Variants in LUZP2 observed in about 807,000 individuals in gnomAD.
LUZP2 encodes leucine zipper protein 2.
In LUZP2, 52 loss-of-function variants were observed where a neutral mutation model predicts 51.6. That is an observed-to-expected ratio of 1.01 (90% CI 0.81 to 1.27). The LOEUF (loss-of-function observed/expected upper bound fraction) is 1.27, where lower values mean the gene tolerates loss of function less well. LUZP2 is among the 50% of genes most tolerant of loss of function. The pLI, the probability that LUZP2 is intolerant of heterozygous loss-of-function variation, is 0.00. For synonymous variants in LUZP2, 154 were observed against 137.3 expected, an observed-to-expected ratio of 1.12 and a Z score of -0.85; for missense variants, 436 against 395.4, an observed-to-expected ratio of 1.10 and a Z score of -0.87.
At chr11:24,510,533 T>C (rs978980947) in intron 1 of LUZP2, among the ~76,000 whole-genome samples, 1 of 152,182 alleles carries the variant, frequency 6.6e-6, no homozygotes, top group Non-Finnish European at 1.5e-5. Context: ...ACATAAGTTA[T>C]GTAACAGGTA....
intron 10 of LUZP2, among the ~76,000 whole-genome samples, chr11:25,056,581 G>A (rs185690825): frequency 1.2e-4 from 18 of 152,168 alleles, no homozygotes; most frequent in Admixed American, 5.2e-4. Flanking sequence ...TAACATTGTC[G>A]CTCTGGGAAG....
chr11:24,503,501 G>A (rs545032262), intron 1 of LUZP2, among the ~76,000 whole-genome samples: 2 of 152,188 alleles, frequency 1.3e-5, no homozygotes, highest in Non-Finnish European at 2.9e-5. Context: ...AACCCTAGGA[G>A]ACATAATTAT....
chr11:24,539,046 A>G (rs1851274387), intron 1 of LUZP2, among the ~76,000 whole-genome samples: 1 of 151,872 alleles, frequency 6.6e-6, no homozygotes, highest in South Asian at 2.1e-4. Flanking sequence ...TGTTAATGGC[A>G]CTTACCTCAG....
intron 4 of LUZP2, among the ~76,000 whole-genome samples, chr11:24,745,285 T>A (rs1411660077): frequency 6.6e-6 from 1 of 152,144 alleles, no homozygotes; most frequent in East Asian, 1.9e-4. Context: ...TCTTGACCTT[T>A]CTAGTACTGT....
At chr11:24,899,693 G>A (rs1188425281) in intron 5 of LUZP2, among the ~76,000 whole-genome samples, 1 of 152,072 alleles carries the variant, frequency 6.6e-6, no homozygotes, top group Non-Finnish European at 1.5e-5. Flanking sequence ...TAAATTACCA[G>A]AGAGAAAGAG....
At chr11:25,001,783 G>A (rs1856687880) in intron 9 of LUZP2, among the ~76,000 whole-genome samples, 1 of 151,200 alleles carries the variant, frequency 6.6e-6, no homozygotes, top group African/African-American at 2.4e-5. Flanking sequence ...CTTTGACTTT[G>A]TCTCTCTATC....
intron 4 of LUZP2, among the ~76,000 whole-genome samples, chr11:24,748,161 T>C (rs1859446690): frequency 6.6e-6 from 1 of 152,128 alleles, no homozygotes; most frequent in South Asian, 2.1e-4. Flanking sequence ...TCCTGAAGGT[T>C]CTCTGTGATG....
intron 6 of LUZP2, among the ~76,000 whole-genome samples, chr11:24,908,768 T>G (rs934056867): frequency 6.7e-6 from 1 of 149,758 alleles, no homozygotes; most frequent in Non-Finnish European, 1.5e-5. Flanking sequence ...CTTTTTTTTT[T>G]TTTTTGAGAC....
At position 24,758,481 on chromosome 11, in the gene LUZP2, T is replaced by C. The variant is rs201292903; in HGVS notation, c.334-4765T>C. On this transcript the variant is annotated intron_variant, in intron 4 of 11. Transcript: ENST00000336930. ...TTGGTAAAGATTCAAATAAAATCCT[T>C]TGTAGTTTTTCTCCCTATTTGAAGA... 6.6e-5 allele frequency among the ~76,000 whole-genome samples: 10 copies of C among 152,166 alleles called. No individual in the cohort carries two copies. The East Asian group carries it at 1.5e-3, about 23-fold the overall frequency.
intron 7 of LUZP2, among the ~76,000 whole-genome samples, chr11:24,948,863 CTAT>C (rs1283247730): frequency 1.6e-4 from 24 of 150,752 alleles, no homozygotes; most frequent in African/African-American, 4.1e-4. Context: ...ATCTATCTAT[CTAT>C]CTACCTATCC....
At chr11:24,779,034 G>T (rs748510906) in intron 5 of LUZP2, among the ~76,000 whole-genome samples, 3 of 152,070 alleles carry the variant, frequency 2.0e-5, no homozygotes, top group Non-Finnish European at 4.4e-5. Context: ...ATGTGTGTGT[G>T]TGTATTTTTA....
chr11:24,511,347 A>G (rs1391223610), intron 1 of LUZP2, among the ~76,000 whole-genome samples: 2 of 152,146 alleles, frequency 1.3e-5, no homozygotes, highest in Non-Finnish European at 2.9e-5. Context: ...TTTGTTATAC[A>G]TGACAATTTA....
At chr11:24,734,495 T>G (rs1359301701) in intron 3 of LUZP2, among the ~76,000 whole-genome samples, 2 of 151,838 alleles carry the variant, frequency 1.3e-5, no homozygotes, top group East Asian at 3.9e-4. Flanking sequence ...AATATTTTGG[T>G]CTTACTAATT....
At chr11:24,830,145 G>A (rs1302072248) in intron 5 of LUZP2, among the ~76,000 whole-genome samples, 2 of 151,764 alleles carry the variant, frequency 1.3e-5, no homozygotes, top group Non-Finnish European at 2.9e-5. Flanking sequence ...AATCACTTTA[G>A]TTTCTGAACT....
chr11:24,782,686 G>A (rs1017792897), intron 5 of LUZP2, among the ~76,000 whole-genome samples: 12 of 151,740 alleles, frequency 7.9e-5, no homozygotes, highest in African/African-American at 2.9e-4. Context: ...GGAACCCAGT[G>A]CCTGTCAAAT....
At chr11:24,991,350 GTATATATATA>G (rs58800807) in intron 9 of LUZP2, among the ~76,000 whole-genome samples, 5 of 142,202 alleles carry the variant, frequency 3.5e-5, no homozygotes, top group African/African-American at 1.0e-4. Flanking sequence ...GTGTGTGTGT[GTATATATATA>G]TGTGTGTGTA....
At chr11:24,650,787 G>A (rs1855602304) in intron 1 of LUZP2, among the ~76,000 whole-genome samples, 1 of 152,088 alleles carries the variant, frequency 6.6e-6, no homozygotes, top group Non-Finnish European at 1.5e-5. Context: ...GGCTGCTAAA[G>A]TGAGAGCTTG....
chr11:24,600,367 G>A (rs1430212952), intron 1 of LUZP2, among the ~76,000 whole-genome samples: 1 of 152,054 alleles, frequency 6.6e-6, no homozygotes, highest in East Asian at 1.9e-4. Flanking sequence ...GAGAGAGCTT[G>A]ATTTCAGATT....
At chr11:24,881,377 A>G (rs1852462921) in intron 5 of LUZP2, among the ~76,000 whole-genome samples, 1 of 152,104 alleles carries the variant, frequency 6.6e-6, no homozygotes. Context: ...TGATAATGAA[A>G]TAGAGATAAA....
Sources: gnomAD v4.1 joint callset for allele counts (sites outside exome capture counted in the v4.1 genomes callset) on GRCh38, gnomAD v4.1.1 for gene constraint, MANE v1.5 for transcripts, NCBI Gene and HGNC (gene_info 2026-07-23, HGNC 2026-07-21) for gene names.